The following PCDH15 variants were observed in gnomAD, a reference collection of about 807,000 sequenced individuals.
PCDH15 encodes the protein protocadherin related 15.
Under a neutral mutation model 178.5 loss-of-function variants are expected in PCDH15, and 129 were observed. The observed-to-expected ratio is 0.72, with a 90% CI of 0.63 to 0.84. PCDH15 has a LOEUF of 0.84. PCDH15 is among the 40% of genes least tolerant of loss of function. The pLI is 0.00. For synonymous variants in PCDH15, 800 were observed against 732.0 expected, an observed-to-expected ratio of 1.09 and a Z score of -1.50; for missense variants, 2,230 against 2,099.9, an observed-to-expected ratio of 1.06 and a Z score of -1.21.
At chr10:55,201,159 T>C (rs568425530) in intron 1 of PCDH15, among the ~76,000 whole-genome samples, 1 of 152,216 alleles carries the variant, frequency 6.6e-6, no homozygotes, top group South Asian at 2.1e-4. Context: ...CTCTTTCTGC[T>C]AAGCAGCTAC....
At chr10:55,597,846 G>T (rs1403811475) in intron 2 of PCDH15, among the ~76,000 whole-genome samples, 5 of 152,022 alleles carry the variant, frequency 3.3e-5, no homozygotes, top group Admixed American at 2.6e-4. Context: ...TTTAAAGCAA[G>T]GCACTGAAAA....
At chr10:55,348,678 A>G (rs59979337) in intron 2 of PCDH15, among the ~76,000 whole-genome samples, 1,919 of 152,250 alleles carry the variant, frequency 0.013, 32 homozygotes, top group African/African-American at 0.044. Context: ...GAAAATAAAA[A>G]CTTTAAGGAT....
intron 3 of PCDH15, among the ~76,000 whole-genome samples, chr10:54,521,626 AT>A (rs1240817317): frequency 6.6e-6 from 1 of 152,032 alleles, no homozygotes; most frequent in Non-Finnish European, 1.5e-5. Context: ...ACACTATGAA[AT>A]TTTCTGACAC....
chr10:54,679,213 A>G (rs1242005490), intron 1 of PCDH15, among the ~76,000 whole-genome samples: 1 of 147,550 alleles, frequency 6.8e-6, no homozygotes, highest in Non-Finnish European at 1.5e-5. Context: ...AAAAAAAAAC[A>G]TACAATTGAC....
chr10:53,806,472 T>C lies in PCDH15; in HGVS notation c.*107A>G. Reference sequence around the variant, plus strand: ...AAGCATATTGTTCAAAGTTTTAGCTTGTGTGCATGATATAAATTCCATACA... The same window carrying C: ...AAGCATATTGTTCAAAGTTTTAGCTCGTGTGCATGATATAAATTCCATACA... On this transcript the variant is annotated 3_prime_UTR_variant, in exon 38 of 38. Transcript: ENST00000644397. 1.1e-6 allele frequency: 1 copy of C among 949,446 alleles called. No individual in the cohort carries two copies. The highest frequency in any genetic ancestry group is 1.9e-5 in the South Asian group (1 of 53,382). The allele number at this position is 949,446 out of a possible 1,614,324, so 58.8% of individuals were successfully genotyped here. A position where few individuals can be genotyped will look rare whatever the true frequency, so the allele number is the denominator to read the frequency against.
At chr10:55,056,026 T>C (rs1469525137) in intron 2 of PCDH15, among the ~76,000 whole-genome samples, 1 of 152,148 alleles carries the variant, frequency 6.6e-6, no homozygotes, top group Non-Finnish European at 1.5e-5. Flanking sequence ...CCCTTCTCCA[T>C]TGTCACAACG....
At chr10:53,822,784 C>A (rs537633108) in intron 32 of PCDH15, 1 of 1,614,096 alleles carries the variant, frequency 6.2e-7, no homozygotes, top group South Asian at 1.1e-5. Flanking sequence ...TCTGTTCCTT[C>A]TATCATCAGT....
intron 17 of PCDH15, among the ~76,000 whole-genome samples, chr10:54,078,766 T>TA (rs201585479): frequency 6.6e-6 from 1 of 151,520 alleles, no homozygotes; most frequent in South Asian, 2.1e-4. Context: ...TTTTTTTTTT[T>TA]AAAGTGAGTT....
chr10:55,568,499 T>G (rs1290869067), intron 2 of PCDH15, among the ~76,000 whole-genome samples: 1 of 151,872 alleles, frequency 6.6e-6, no homozygotes, highest in Non-Finnish European at 1.5e-5. Flanking sequence ...TAATGATAAT[T>G]ACATTATGTG....
intron 10 of PCDH15, among the ~76,000 whole-genome samples, chr10:54,200,940 C>G (rs1001280682): frequency 1.3e-5 from 2 of 152,140 alleles, no homozygotes; most frequent in Admixed American, 1.3e-4. Context: ...CCTTTGAATT[C>G]CACAGTCCAT....
chr10:54,390,414 T>C (rs1405789295), intron 3 of PCDH15, among the ~76,000 whole-genome samples: 1 of 152,134 alleles, frequency 6.6e-6, no homozygotes, highest in Non-Finnish European at 1.5e-5. Flanking sequence ...TGCCTCAGCC[T>C]CCTGAGGAGC....
At chr10:54,513,992 C>A (rs918840580) in intron 3 of PCDH15, among the ~76,000 whole-genome samples, 1 of 152,180 alleles carries the variant, frequency 6.6e-6, no homozygotes, top group African/African-American at 2.4e-5. Context: ...TGTCTTCTCC[C>A]TAGAGCATGG....
At chr10:55,049,068 T>TA (rs1841087997) in intron 2 of PCDH15, among the ~76,000 whole-genome samples, 1 of 151,926 alleles carries the variant, frequency 6.6e-6, no homozygotes, top group African/African-American at 2.4e-5. Flanking sequence ...TCCTCATTCT[T>TA]AGAGTGACTT....
intron 1 of PCDH15, among the ~76,000 whole-genome samples, chr10:55,237,839 A>G (rs1841425354): frequency 1.3e-5 from 2 of 152,108 alleles, no homozygotes; most frequent in South Asian, 2.1e-4. Context: ...CAAAAAAAAA[A>G]TGGAACATAA....
At chr10:55,431,014 T>A (rs1838869432) in intron 2 of PCDH15, among the ~76,000 whole-genome samples, 1 of 152,194 alleles carries the variant, frequency 6.6e-6, no homozygotes, top group African/African-American at 2.4e-5. Flanking sequence ...TTCCTTGACA[T>A]GATTTAGAAA....
chr10:54,777,153 A>G (rs149105897), intron 1 of PCDH15, among the ~76,000 whole-genome samples: 10 of 152,234 alleles, frequency 6.6e-5, no homozygotes, highest in African/African-American at 2.4e-4. Context: ...TAAGGTGACT[A>G]TTTTCATGCA....
chr10:54,475,143 T>G (rs972533262), intron 3 of PCDH15, among the ~76,000 whole-genome samples: 1 of 151,994 alleles, frequency 6.6e-6, no homozygotes, highest in Non-Finnish European at 1.5e-5. Context: ...GTAATTAAGT[T>G]TCATCATGCA....
At chr10:54,863,338 C>T (rs998958491) in intron 3 of PCDH15, among the ~76,000 whole-genome samples, 6 of 152,014 alleles carry the variant, frequency 3.9e-5, no homozygotes, top group Admixed American at 3.9e-4. Context: ...GTCAGGAGAT[C>T]GAGACCATCC....
intron 18 of PCDH15, among the ~76,000 whole-genome samples, chr10:54,028,035 C>T (rs996058336): frequency 0.011 from 1,627 of 151,048 alleles, 16 homozygotes; most frequent in South Asian, 0.026. Context: ...TTTTTGCAAC[C>T]TACTCATCTG....
Sources: allele counts gnomAD v4.1 joint callset (sites outside exome capture counted in the v4.1 genomes callset), GRCh38; gene constraint gnomAD v4.1.1; transcripts MANE v1.5; gene names NCBI Gene and HGNC (gene_info 2026-07-23, HGNC 2026-07-21).